PAPPA2: variants seen among roughly 807,000 people sequenced by gnomAD.
PAPPA2 encodes the protein pappalysin-2.
Under a neutral mutation model 176.4 loss-of-function variants are expected in PAPPA2, and 86 were observed. That is an observed-to-expected ratio of 0.49 (90% CI 0.41 to 0.58). PAPPA2 has a LOEUF of 0.58. PAPPA2 is among the 20% of genes least tolerant of loss of function. The probability of loss-of-function intolerance (pLI) is 0.00; values close to 1 mark genes in which losing one functional copy is unlikely to be tolerated. For synonymous variants in PAPPA2, 809 were observed against 852.2 expected (o/e 0.95, Z 0.88); for missense variants, 2,073 against 2,256.9 (o/e 0.92, Z 1.65).
At chr1:176,702,402 AG>A (rs1660691042) in intron 8 of PAPPA2, among the ~76,000 whole-genome samples, 1 of 152,250 alleles carries the variant, frequency 6.6e-6, no homozygotes, top group Admixed American at 6.5e-5. Context: ...TGCAACGCAC[AG>A]GGGATACAGA....
chr1:176,529,885 A>G (rs1360634139), intron 1 of PAPPA2, among the ~76,000 whole-genome samples: 1 of 151,780 alleles, frequency 6.6e-6, no homozygotes, highest in Non-Finnish European at 1.5e-5. Context: ...ATTTTTTGCC[A>G]TCTGTGCCAT....
intron 14 of PAPPA2, among the ~76,000 whole-genome samples, chr1:176,742,849 T>G (rs1662747515): frequency 6.6e-6 from 1 of 152,090 alleles, no homozygotes; most frequent in African/African-American, 2.4e-5. Context: ...CACTGATACT[T>G]ACATGGGCAG....
chr1:176,773,564 C>A (rs1664326873), intron 17 of PAPPA2, among the ~76,000 whole-genome samples: 1 of 152,112 alleles, frequency 6.6e-6, no homozygotes. Flanking sequence ...CTGGGCATGA[C>A]CCTGAGCAAA....
chr1:176,534,099 T>C (rs900389238), intron 1 of PAPPA2, among the ~76,000 whole-genome samples: 3 of 152,202 alleles, frequency 2.0e-5, no homozygotes, highest in African/African-American at 7.2e-5. Context: ...ATATGGCTAA[T>C]AGAAAATTTA....
intron 2 of PAPPA2, among the ~76,000 whole-genome samples, chr1:176,578,096 G>A (rs916838857): frequency 2.0e-5 from 3 of 152,146 alleles, no homozygotes; most frequent in African/African-American, 7.2e-5. Context: ...GCCAAGAGCA[G>A]CATTTCTGCC....
intron 1 of PAPPA2, among the ~76,000 whole-genome samples, chr1:176,481,402 A>G (rs1248121270): frequency 6.6e-6 from 1 of 151,864 alleles, no homozygotes; most frequent in East Asian, 1.9e-4. Flanking sequence ...TTGAGACGGA[A>G]TAGTCTGTCT....
At chr1:176,661,433 A>C (rs1258440771) in intron 3 of PAPPA2, among the ~76,000 whole-genome samples, 1 of 151,408 alleles carries the variant, frequency 6.6e-6, no homozygotes, top group East Asian at 2.0e-4. Context: ...GGGAGGTGGG[A>C]ATTCTGAAGC....
chr1:176,550,759 A>G (rs1376865753), intron 1 of PAPPA2, among the ~76,000 whole-genome samples: 1 of 152,248 alleles, frequency 6.6e-6, no homozygotes, highest in East Asian at 1.9e-4. Flanking sequence ...CAGTTCCACA[A>G]GAAGATAGGG....
At chr1:176,713,582 A>C (rs546260154) in intron 12 of PAPPA2, among the ~76,000 whole-genome samples, 1 of 152,124 alleles carries the variant, frequency 6.6e-6, no homozygotes, top group East Asian at 1.9e-4. Context: ...CTTTCCTGTC[A>C]TTTTCAAAAC....
At position 176,837,630 on chromosome 1, in the gene PAPPA2, T is replaced by G. The variant is rs186457795; in HGVS notation, c.5203-2543T>G. 1.3e-4 allele frequency among the ~76,000 whole-genome samples: 20 copies of G among 152,342 alleles called. No individual in the cohort carries two copies. In the Middle Eastern group the frequency reaches 0.014, roughly 104 times the overall value. ...TGTGAAACGCTTTATTTTCTGATGT[T>G]ACAGAATAAGCAAGGTATACATATG... On this transcript the variant is annotated intron_variant, in intron 21 of 22. Coordinates refer to ENST00000367662, the MANE Select transcript of PAPPA2 (RefSeq NM_020318.3).
At position 176,832,357 on chromosome 1, in the gene PAPPA2, G is replaced by T. The variant is rs542906895; in HGVS notation, c.5203-7816G>T. The stretch of plus-strand genomic sequence containing the variant: ...AGCATAGGTTTATGTAAAACCATAC[G>T]CTGTGCTCTTCTTTTTTTTGAGACA... On this transcript the variant is annotated intron_variant, in intron 21 of 22. Transcript: ENST00000367662. 5.9e-5 allele frequency among the ~76,000 whole-genome samples: 9 copies of T among 152,172 alleles called. No homozygotes were observed. The East Asian group carries it at 1.7e-3, about 30-fold the overall frequency.
chr1:176,470,577 C>T (rs1051008152), intron 1 of PAPPA2, among the ~76,000 whole-genome samples: 1 of 152,048 alleles, frequency 6.6e-6, no homozygotes, highest in African/African-American at 2.4e-5. Flanking sequence ...ATGGAACACT[C>T]CTAGAGAAGG....
intron 2 of PAPPA2, among the ~76,000 whole-genome samples, chr1:176,571,406 G>A (rs1652321114): frequency 6.6e-6 from 1 of 152,200 alleles, no homozygotes; most frequent in South Asian, 2.1e-4. Flanking sequence ...GTAAAATGGA[G>A]GCAATGGTAA....
intron 21 of PAPPA2, among the ~76,000 whole-genome samples, chr1:176,821,636 T>C (rs751887688): frequency 2.0e-5 from 3 of 152,172 alleles, no homozygotes; most frequent in Non-Finnish European, 4.4e-5. Context: ...GGCATGTTCT[T>C]TTCATGGTAG....
chr1:176,515,829 A>T (rs1348347000), intron 1 of PAPPA2, among the ~76,000 whole-genome samples: 1 of 151,890 alleles, frequency 6.6e-6, no homozygotes, highest in Non-Finnish European at 1.5e-5. Context: ...TCACTTATGC[A>T]CTCCATTCCT....
At chr1:176,686,456 G>A (rs974950746) in intron 4 of PAPPA2, among the ~76,000 whole-genome samples, 3 of 152,136 alleles carry the variant, frequency 2.0e-5, no homozygotes, top group Non-Finnish European at 4.4e-5. Context: ...TTGACATGTG[G>A]GGATTATGGG....
At chr1:176,828,415 G>A (rs1169769140) in intron 21 of PAPPA2, among the ~76,000 whole-genome samples, 1 of 151,796 alleles carries the variant, frequency 6.6e-6, no homozygotes, top group Admixed American at 6.6e-5. Flanking sequence ...ATACCGGAAG[G>A]TTTCAGATAA....
At chr1:176,545,875 G>T (rs575689949) in intron 1 of PAPPA2, among the ~76,000 whole-genome samples, 65 of 152,128 alleles carry the variant, frequency 4.3e-4, no homozygotes, top group African/African-American at 1.5e-3. Flanking sequence ...GTCTCAGTTG[G>T]TGCTCAGCCC....
At position 176,671,081 on chromosome 1, in the gene PAPPA2, C is replaced by T; in HGVS notation, c.2103C>T (p.Thr701=). ...GGGAAGACCTTGCAGGTGCTGCCAC[C>T]TGGCCTTGGGACAAGGACGCTGTCA... ...SVREDLAGAA[T]WPWDKDAVTH... Residue 701 remains threonine (T), a synonymous_variant, in exon 4 of 23, where the codon ACC becomes ACT. Coordinates refer to ENST00000367662, the MANE Select transcript of PAPPA2 (RefSeq NM_020318.3). The T allele has an allele frequency of 1.2e-6, 2 of 1,613,982 alleles. No individual in the cohort carries two copies. The highest frequency in any genetic ancestry group is 1.7e-6 in the Non-Finnish European group (2 of 1,179,904).
Sources: allele counts gnomAD v4.1 joint callset (sites outside exome capture counted in the v4.1 genomes callset), GRCh38; gene constraint gnomAD v4.1.1; transcripts MANE v1.5; gene names NCBI Gene and HGNC (gene_info 2026-07-23, HGNC 2026-07-21).